The following CFDP1 variants were observed in gnomAD, a reference collection of about 807,000 sequenced individuals.
CFDP1 encodes the protein heterochromatin-stabilizing protein CFDP1.
A neutral mutation model predicts 40.1 loss-of-function variants in CFDP1; 31 were observed. That is an observed-to-expected ratio of 0.77 (90% CI 0.58 to 1.04). CFDP1 has a LOEUF of 1.04. CFDP1 is among the 50% of genes least tolerant of loss of function. The pLI, the probability that CFDP1 is intolerant of heterozygous loss-of-function variation, is 0.00. For missense variants in CFDP1, 423 were observed against 343.4 expected (o/e 1.23, Z -1.83); for synonymous variants, 167 against 120.0 (o/e 1.39, Z -2.56).
intron 1 of CFDP1, among the ~76,000 whole-genome samples, chr16:75,423,526 G>A (rs1369892555): frequency 6.6e-6 from 1 of 150,912 alleles, no homozygotes; most frequent in Non-Finnish European, 1.5e-5. Context: ...GTTTTTTTTT[G>A]TTTTTTGAGA....
At chr16:75,304,827 C>A (rs2078246592) in intron 6 of CFDP1, among the ~76,000 whole-genome samples, 197 bp downstream of exon 6, 1 of 152,200 alleles carries the variant, frequency 6.6e-6, no homozygotes. Flanking sequence ...CGCCTTCCCT[C>A]CACCCGCAGT....
intron 5 of CFDP1, among the ~76,000 whole-genome samples, chr16:75,309,415 T>G (rs1403622535): frequency 6.6e-6 from 1 of 152,004 alleles, no homozygotes; most frequent in Non-Finnish European, 1.5e-5. Context: ...CTCCGAGAAC[T>G]ATGGCTAGCA....
intron 5 of CFDP1, among the ~76,000 whole-genome samples, chr16:75,328,524 G>A (rs1442049725): frequency 5.5e-5 from 8 of 146,536 alleles, no homozygotes; most frequent in Non-Finnish European, 1.2e-4. Flanking sequence ...GCTTGAACCC[G>A]GGAGGCGGAG....
intron 4 of CFDP1, among the ~76,000 whole-genome samples, chr16:75,398,676 T>C (rs1203104957): frequency 6.6e-6 from 1 of 152,110 alleles, no homozygotes; most frequent in African/African-American, 2.4e-5. Context: ...TATGGGAAGA[T>C]CACACAGAAA....
intron 5 of CFDP1, among the ~76,000 whole-genome samples, chr16:75,322,412 C>T (rs1421367368): frequency 6.6e-6 from 1 of 152,114 alleles, no homozygotes. Context: ...TTGTTGTGCC[C>T]AACATCACAG....
chr16:75,430,579 T>C (rs2079400755), intron 1 of CFDP1, among the ~76,000 whole-genome samples: 1 of 151,948 alleles, frequency 6.6e-6, no homozygotes, highest in African/African-American at 2.4e-5. Context: ...ATCTCGTGCC[T>C]CAGCCTCCCC....
chr16:75,394,314 T>A (rs1256444259), intron 5 of CFDP1, among the ~76,000 whole-genome samples: 1 of 152,206 alleles, frequency 6.6e-6, no homozygotes. Flanking sequence ...AAGAAAAGAA[T>A]TTTTACTTCT....
intron 5 of CFDP1, among the ~76,000 whole-genome samples, chr16:75,340,377 TAC>T (rs745653833): frequency 2.6e-5 from 4 of 152,352 alleles, no homozygotes; most frequent in Non-Finnish European, 5.9e-5. Flanking sequence ...TCTAGTAAGC[TAC>T]AGACAGGATC....
At chr16:75,423,359 G>A (rs1472928827) in intron 1 of CFDP1, among the ~76,000 whole-genome samples, 1 of 151,792 alleles carries the variant, frequency 6.6e-6, no homozygotes, top group Non-Finnish European at 1.5e-5. Flanking sequence ...TGAGGTGGGA[G>A]GATCACTTGA....
intron 5 of CFDP1, among the ~76,000 whole-genome samples, chr16:75,349,375 T>G (rs890871109): frequency 6.6e-6 from 1 of 151,104 alleles, no homozygotes; most frequent in African/African-American, 2.4e-5. Context: ...CCGGGCGTGG[T>G]GGCGGGCGAC....
chr16:75,422,980 T>C (rs541207425), intron 1 of CFDP1, among the ~76,000 whole-genome samples: 1 of 152,044 alleles, frequency 6.6e-6, no homozygotes, highest in East Asian at 1.9e-4. Flanking sequence ...ACCTCATCTC[T>C]ACAAAAAATA....
At chr16:75,361,313 G>C (rs752232491) in intron 5 of CFDP1, among the ~76,000 whole-genome samples, 2 of 152,180 alleles carry the variant, frequency 1.3e-5, no homozygotes, top group Non-Finnish European at 2.9e-5. Flanking sequence ...ACCCAGGCAA[G>C]TCAGATATTG....
At chr16:75,382,804 G>A (rs1236225459) in intron 5 of CFDP1, among the ~76,000 whole-genome samples, 1 of 151,816 alleles carries the variant, frequency 6.6e-6, no homozygotes, top group Non-Finnish European at 1.5e-5. Context: ...AACAAGTCAT[G>A]TCATGCTCTA....
intron 6 of CFDP1, among the ~76,000 whole-genome samples, chr16:75,304,568 C>A (rs1433953736): frequency 6.6e-6 from 1 of 152,134 alleles, no homozygotes; most frequent in Non-Finnish European, 1.5e-5. Flanking sequence ...TAAAGCCCCA[C>A]CCCAGGCCAT....
intron 1 of CFDP1, among the ~76,000 whole-genome samples, chr16:75,426,179 T>C (rs963432471): frequency 8.8e-5 from 13 of 147,778 alleles, no homozygotes; most frequent in Admixed American, 2.0e-4. Flanking sequence ...GGAGAAACCC[T>C]GTCTCTACTA....
At chr16:75,414,087 G>A (rs1020757568) in intron 2 of CFDP1, among the ~76,000 whole-genome samples, 5 of 152,038 alleles carry the variant, frequency 3.3e-5, no homozygotes, top group Admixed American at 6.6e-5. Context: ...ATAAAGTAAG[G>A]CCTATTCACA....
intron 5 of CFDP1, among the ~76,000 whole-genome samples, chr16:75,348,118 ATTTC>A (rs2078582917): frequency 6.6e-6 from 1 of 152,114 alleles, no homozygotes; most frequent in South Asian, 2.1e-4. Flanking sequence ...ACCAATGTTA[ATTTC>A]TTTCTTTTTT....
intron 1 of CFDP1, among the ~76,000 whole-genome samples, chr16:75,429,396 G>A (rs866102291): frequency 1.3e-5 from 2 of 152,182 alleles, no homozygotes; most frequent in Non-Finnish European, 2.9e-5. Context: ...GCTCACGCCT[G>A]TAATCCCAGC....
At chr16:75,360,770 C>T (rs560163799) in intron 5 of CFDP1, among the ~76,000 whole-genome samples, 4 of 152,180 alleles carry the variant, frequency 2.6e-5, no homozygotes, top group African/African-American at 9.6e-5. Context: ...AACAAGCTAC[C>T]TTAATTTATA....
Sources: allele counts gnomAD v4.1 joint callset (sites outside exome capture counted in the v4.1 genomes callset), GRCh38; gene constraint gnomAD v4.1.1; transcripts MANE v1.5; gene names NCBI Gene and HGNC (gene_info 2026-07-23, HGNC 2026-07-21).